Variants in LAPTM4A observed in about 807,000 individuals in gnomAD.
The protein encoded by LAPTM4A is lysosomal protein transmembrane 4 alpha, also known as lysosomal-associated transmembrane protein 4A.
LAPTM4A carries 19 observed loss-of-function variants against 29.9 expected under a neutral mutation model. The ratio of observed to expected loss-of-function variants is 0.64; its 90% CI spans 0.44 to 0.93. The LOEUF (loss-of-function observed/expected upper bound fraction) is 0.93, where lower values mean the gene tolerates loss of function less well. Among genes scored for constraint, LAPTM4A ranks in the 40% least tolerant of loss-of-function variants. The pLI is 0.00. For missense variants in LAPTM4A, 293 were observed against 288.5 expected (o/e 1.02, Z -0.11); for synonymous variants, 105 against 102.1 (o/e 1.03, Z -0.17).
In LAPTM4A at chr2:20,042,242, G is replaced by C. The variant is rs190047994; in HGVS notation, c.112-1231C>G. On this transcript the variant is annotated intron_variant, in intron 1 of 6. Coordinates refer to ENST00000175091, the MANE Select transcript of LAPTM4A (RefSeq NM_014713.5). ...AGCCTCCCAACATGCTGTGATTACA[G>C]GCATGAGCCACCGCACCCAGCCTGC... Among the ~76,000 whole-genome samples, 152 of 152,286 alleles carry C rather than the reference G, an allele frequency of 1.0e-3. 1 individual carries two copies. The highest frequency in any genetic ancestry group is 3.4e-3 in the African/African-American group (143 of 41,552).
At chr2:20,045,877 TC>T (rs1673907892) in intron 1 of LAPTM4A, among the ~76,000 whole-genome samples, 2 of 152,172 alleles carry the variant, frequency 1.3e-5, no homozygotes, top group Non-Finnish European at 2.9e-5. Flanking sequence ...AAACAGTGTG[TC>T]TGGTTTAAGG....
intron 1 of LAPTM4A, among the ~76,000 whole-genome samples, chr2:20,045,620 A>G (rs1002247390): frequency 1.3e-5 from 2 of 152,206 alleles, no homozygotes; most frequent in Non-Finnish European, 1.5e-5. Flanking sequence ...GGTGGTGTGC[A>G]TTGTTTTTGA....
intron 4 of LAPTM4A, among the ~76,000 whole-genome samples, chr2:20,036,174 G>T (rs537947711): frequency 1.0e-5 from 1 of 98,976 alleles, no homozygotes; most frequent in Non-Finnish European, 2.0e-5. Flanking sequence ...GCCGCTGACC[G>T]TGGCTGACCA....
At chr2:20,043,216 T>TTG (rs1239991220) in intron 1 of LAPTM4A, among the ~76,000 whole-genome samples, 3 of 141,832 alleles carry the variant, frequency 2.1e-5, no homozygotes, top group Non-Finnish European at 4.6e-5. Context: ...GGGACCTTTT[T>TTG]TTTTTTTTTT....
intron 1 of LAPTM4A, among the ~76,000 whole-genome samples, chr2:20,041,327 C>A (rs549046226): frequency 6.6e-6 from 1 of 152,248 alleles, no homozygotes; most frequent in South Asian, 2.1e-4. Flanking sequence ...TATTCATATA[C>A]CAATCTCAGA....
At chr2:20,041,369 T>A (rs1373914794) in intron 1 of LAPTM4A, among the ~76,000 whole-genome samples, 1 of 152,216 alleles carries the variant, frequency 6.6e-6, no homozygotes, top group Non-Finnish European at 1.5e-5. Flanking sequence ...ACTGTTCATC[T>A]GTTATATTTA....
intron 1 of LAPTM4A, among the ~76,000 whole-genome samples, chr2:20,042,864 AG>A (rs1428388549): frequency 6.6e-6 from 1 of 152,246 alleles, no homozygotes; most frequent in Non-Finnish European, 1.5e-5. Flanking sequence ...TAAAGTTCAC[AG>A]AATTTGCCCT....
intron 6 of LAPTM4A, 39 bp from the exon 7 acceptor site, chr2:20,033,318 C>T: frequency 6.9e-7 from 1 of 1,457,228 alleles, no homozygotes; most frequent in Middle Eastern, 1.7e-4. Context: ...TTTAATTCTC[C>T]TTTAAAATCC....
chr2:20,051,550 GC>G lies in LAPTM4A; in HGVS notation c.-31del. The G allele has an allele frequency of 7.0e-7, 1 of 1,430,734 alleles. No homozygotes were observed. The highest frequency in any genetic ancestry group is 9.6e-7 in the Non-Finnish European group (1 of 1,037,896). 88.6% of individuals were successfully genotyped at this position (1,430,734 alleles called of 1,614,324 possible). On this transcript the variant is annotated 5_prime_UTR_variant, in exon 1 of 7. Transcript: ENST00000175091. Reference sequence around the variant, plus strand: ...ACAGGCGGGCCTCCTTCTTGGCCGGGCCCCTGACAAACGTTCTCCACCCGCA... The same window carrying G: ...ACAGGCGGGCCTCCTTCTTGGCCGGGCCCTGACAAACGTTCTCCACCCGCA...
chr2:20,041,071 AAT>A, intron 1 of LAPTM4A, 60 bp from the exon 2 acceptor site: 2 of 1,533,648 alleles, frequency 1.3e-6, no homozygotes, highest in Non-Finnish European at 1.8e-6. Flanking sequence ...ATCTTAGCAC[AAT>A]CTCTAGATGT....
rs1342405377 is a variant in LAPTM4A, at chr2:20,034,931, T to C, written c.528+36A>G. The C allele has an allele frequency of 4.8e-6, 7 of 1,457,012 alleles. 1 individual carries two copies. Among genetic ancestry groups the C allele is most frequent in the South Asian group, 2.3e-5 (2 of 85,126 alleles). The allele number at this position is 1,457,012 out of a possible 1,614,324, so 90.3% of individuals were successfully genotyped here. ...AAAAGGTTTAGATTCACAGTGTCAA[T>C]CTCAGTCACCCCTAAAGATTTAGTC... On this transcript the variant is annotated intron_variant, in intron 5 of 6. Coordinates refer to ENST00000175091, the MANE Select transcript of LAPTM4A (RefSeq NM_014713.5).
At chr2:20,041,316 T>A (rs1673794893) in intron 1 of LAPTM4A, among the ~76,000 whole-genome samples, 1 of 152,184 alleles carries the variant, frequency 6.6e-6, no homozygotes, top group Admixed American at 6.5e-5. Flanking sequence ...AGCTACCTAT[T>A]TATTCATATA....
chr2:20,051,380 G>C (rs767039488), intron 1 of LAPTM4A, 30 bp downstream of exon 1: 3 of 1,145,748 alleles, frequency 2.6e-6, no homozygotes, highest in Admixed American at 4.1e-5. Context: ...CAGGCCCCCC[G>C]GACATACGCG....
Position 20,035,054 on chromosome 2 carries a change from A to C in LAPTM4A, c.441T>G (p.Phe147Leu). 1 of 1,609,798 alleles carries C rather than the reference A, an allele frequency of 6.2e-7. No individual in the cohort carries two copies. The highest frequency in any genetic ancestry group is 8.5e-7 in the Non-Finnish European group (1 of 1,176,646). Residue 147 changes from phenylalanine to leucine, a missense_variant, in exon 5 of 7, where the codon TTT becomes TTG. Phe to Leu is a conservative substitution (Grantham distance 22, BLOSUM62 0). Transcript: ENST00000175091. ...IKEYLDQLPD[F>L]PYKDDLLALD... is the part of the protein sequence containing the mutation. ...AGGCCAGGAGGTCATCTTTGTAGGG[A>C]AAATCAGGCTATTAAAGAAACACAC...
At chr2:20,043,201 T>C (rs1308860137) in intron 1 of LAPTM4A, among the ~76,000 whole-genome samples, 4 of 136,562 alleles carry the variant, frequency 2.9e-5, no homozygotes, top group African/African-American at 8.2e-5. Flanking sequence ...GCCTCCCAAG[T>C]AGCTGGGACC....
rs777307249 is a variant in LAPTM4A at position 20,037,403 on chromosome 2, G to A, written c.345C>T (p.Tyr115=). 1.2e-6 allele frequency: 2 copies of A among 1,612,478 alleles called. No homozygotes were observed. The highest frequency in any genetic ancestry group is 1.1e-5 in the South Asian group (1 of 90,826). The change falls in exon 4 of 7, where the codon TAC becomes TAT. Residue 115 remains tyrosine, a synonymous_variant. Transcript: ENST00000175091. ...AACTGAGGACGAAGTCAAAAAGTCG[G>A]TAACAGAAGAATGGAATCAGCCAAC... is the stretch of plus-strand genomic sequence containing the variant. ...QVGWLIPFFC[Y]RLFDFVLSCL...
chr2:20,033,541 G>A (rs969265456), intron 6 of LAPTM4A, among the ~76,000 whole-genome samples: 1 of 152,160 alleles, frequency 6.6e-6, no homozygotes, highest in African/African-American at 2.4e-5. Context: ...AGACAGGCAG[G>A]CAGTGGGTGC....
Position 20,043,009 on chromosome 2 carries a change from G to A in LAPTM4A, c.112-1998C>T, listed in dbSNP as rs374648462. ...GGCTGGAGTGCAGTAGCGCAATCTC[G>A]GCTCACTGCAGCCTCCACCTCCTGG... On this transcript the variant is annotated intron_variant, in intron 1 of 6. Coordinates refer to ENST00000175091, the MANE Select transcript of LAPTM4A (RefSeq NM_014713.5). Among the ~76,000 whole-genome samples the A allele has an allele frequency of 3.1e-4, 47 of 151,418 alleles. 1 individual carries two copies. The highest frequency in any genetic ancestry group is 1.9e-3 in the East Asian group (10 of 5,162).
intron 3 of LAPTM4A, 27 bp downstream of exon 3, chr2:20,037,511 T>A: frequency 6.2e-7 from 1 of 1,601,702 alleles, no homozygotes; most frequent in Non-Finnish European, 8.5e-7. Flanking sequence ...GGTCAAACTC[T>A]AAAAGATGAA....
Sources: gnomAD v4.1 joint callset for allele counts (sites outside exome capture counted in the v4.1 genomes callset) on GRCh38, gnomAD v4.1.1 for gene constraint, MANE v1.5 for transcripts, NCBI Gene and HGNC (gene_info 2026-07-23, HGNC 2026-07-21) for gene names.